Variants in SLIT3 observed in about 807,000 individuals in gnomAD.
SLIT3 encodes the protein slit guidance ligand 3, also known as slit homolog 3 protein.
A neutral mutation model predicts 184.0 loss-of-function variants in SLIT3; 68 were observed. The observed-to-expected ratio is 0.37, with a 90% CI of 0.30 to 0.45. The LOEUF (loss-of-function observed/expected upper bound fraction) is 0.45. SLIT3 is among the 20% of genes least tolerant of loss of function. The probability of loss-of-function intolerance (pLI) is 1.00; values close to 1 mark genes in which losing one functional copy is unlikely to be tolerated. For missense variants in SLIT3, 1,707 were observed against 2,026.0 expected (o/e 0.84, Z 3.02); for synonymous variants, 831 against 828.6 (o/e 1.00, Z -0.05).
chr5:168,926,375 A>C (rs938933449), intron 4 of SLIT3, among the ~76,000 whole-genome samples: 1 of 152,238 alleles, frequency 6.6e-6, no homozygotes, highest in African/African-American at 2.4e-5. Flanking sequence ...GAGAGAACAT[A>C]TATCTTCAAT....
chr5:168,828,775 G>GTC (rs1482025388), intron 6 of SLIT3, among the ~76,000 whole-genome samples: 1 of 152,184 alleles, frequency 6.6e-6, no homozygotes, highest in African/African-American at 2.4e-5. Flanking sequence ...CCTGGGGTGG[G>GTC]TCTCAGCCTT....
At chr5:169,105,453 A>G (rs1760169039) in intron 4 of SLIT3, among the ~76,000 whole-genome samples, 1 of 152,238 alleles carries the variant, frequency 6.6e-6, no homozygotes, top group South Asian at 2.1e-4. Context: ...AAAGAAATGC[A>G]GACACGCCAT....
chr5:168,915,005 A>G lies in SLIT3; in HGVS notation c.414-31669T>C, dbSNP rs183913387. ...TATATTTAGTATATAAAAATCCATG[A>G]GTTCATAATAATACTCTAAATGTGA... is the stretch of plus-strand genomic sequence containing the variant. On this transcript the variant is annotated intron_variant, in intron 4 of 35. Coordinates refer to ENST00000519560, the MANE Select transcript of SLIT3 (RefSeq NM_003062.4). Among the ~76,000 whole-genome samples, 1,404 of 152,302 alleles carry G rather than the reference A, an allele frequency of 9.2e-3. 19 individuals are homozygous for G. The highest frequency in any genetic ancestry group is 0.032 in the African/African-American group (1,338 of 41,560).
Position 168,696,396 on chromosome 5 carries a change from C to T in SLIT3, c.2978G>A (p.Cys993Tyr). ...CTCACAGTCATCTGGGTTGATCTCA[C>T]ACCGCTGCCCCTCAAAGCCCAGAGG... ...SCPLGFEGQR[C>Y]EINPDDCEDN... Residue 993 changes from cysteine (C) to tyrosine (Y), a missense_variant, in exon 28 of 36, where the codon TGT becomes TAT. Around this residue, in one of 3 missense-constraint regions of SLIT3, gnomAD observed 1,307 missense variants for 1,511.6 expected, o/e 0.86. Coordinates refer to ENST00000519560, the MANE Select transcript of SLIT3 (RefSeq NM_003062.4). 1 of 1,614,124 alleles carries T rather than the reference C, an allele frequency of 6.2e-7. No homozygotes were observed. Among genetic ancestry groups the T allele is most frequent in the Non-Finnish European group, 8.5e-7 (1 of 1,180,044 alleles).
chr5:168,952,631 GAAGA>G (rs150085453), intron 4 of SLIT3, among the ~76,000 whole-genome samples: 18,945 of 148,048 alleles, frequency 0.13, 2,280 homozygotes, highest in African/African-American at 0.32. Flanking sequence ...CTACCATGAA[GAAGA>G]AAGAAAGGGC....
At chr5:169,116,802 T>C (rs1760682218) in intron 4 of SLIT3, among the ~76,000 whole-genome samples, 1 of 152,188 alleles carries the variant, frequency 6.6e-6, no homozygotes, top group South Asian at 2.1e-4. Flanking sequence ...TCCTCAAGCA[T>C]GAAGGAGCCC....
intron 4 of SLIT3, among the ~76,000 whole-genome samples, chr5:168,987,544 C>A (rs60573246): frequency 6.6e-6 from 1 of 152,190 alleles, no homozygotes; most frequent in Admixed American, 6.5e-5. Context: ...GGTTGTTAAG[C>A]ACACTATAGG....
intron 16 of SLIT3, 22 bp from the exon 17 acceptor site, chr5:168,754,029 G>T: frequency 6.5e-7 from 1 of 1,546,498 alleles, no homozygotes; most frequent in South Asian, 1.2e-5. Flanking sequence ...AAACAGAATA[G>T]GGGAGAATCA....
At chr5:169,071,856 G>C (rs1285070751) in intron 4 of SLIT3, among the ~76,000 whole-genome samples, 1 of 152,132 alleles carries the variant, frequency 6.6e-6, no homozygotes, top group Non-Finnish European at 1.5e-5. Flanking sequence ...GAGTGGGCAG[G>C]GCAGAGGGAT....
At chr5:168,965,275 A>G (rs1391309673) in intron 4 of SLIT3, among the ~76,000 whole-genome samples, 2 of 152,248 alleles carry the variant, frequency 1.3e-5, no homozygotes, top group Non-Finnish European at 2.9e-5. Flanking sequence ...TTCTCCTAGC[A>G]TTTGAGAGAT....
At chr5:168,731,008 A>G (rs1344519941) in intron 20 of SLIT3, among the ~76,000 whole-genome samples, 2 of 151,900 alleles carry the variant, frequency 1.3e-5, no homozygotes, top group African/African-American at 4.8e-5. Flanking sequence ...TGGTTCTTCA[A>G]AAAGATAAAC....
intron 4 of SLIT3, among the ~76,000 whole-genome samples, chr5:169,171,378 G>C (rs1401681314): frequency 6.6e-6 from 1 of 152,216 alleles, no homozygotes; most frequent in East Asian, 1.9e-4. Flanking sequence ...GAATGGTCTT[G>C]AGCAAAAGTG....
intron 14 of SLIT3, among the ~76,000 whole-genome samples, chr5:168,769,982 C>T (rs888652555): frequency 6.6e-6 from 1 of 152,168 alleles, no homozygotes; most frequent in Non-Finnish European, 1.5e-5. Flanking sequence ...TGCTGTTCGC[C>T]GTCTTTGGAC....
intron 4 of SLIT3, among the ~76,000 whole-genome samples, chr5:169,143,755 G>A (rs560176323): frequency 1.6e-4 from 24 of 152,268 alleles, no homozygotes; most frequent in African/African-American, 2.4e-4. Context: ...AGCCGAGATC[G>A]TGCCATTGCA....
intron 23 of SLIT3, among the ~76,000 whole-genome samples, 181 bp downstream of exon 23, chr5:168,722,075 A>C (rs979035290): frequency 1.3e-5 from 2 of 151,616 alleles, no homozygotes; most frequent in Non-Finnish European, 2.9e-5. Context: ...GGACCCTGGG[A>C]ATGGCAGACT....
intron 4 of SLIT3, among the ~76,000 whole-genome samples, chr5:168,883,621 GCA>G (rs1327304084): frequency 6.6e-6 from 1 of 152,204 alleles, no homozygotes; most frequent in African/African-American, 2.4e-5. Context: ...GTTATTTGTT[GCA>G]CACACTGCAC....
At chr5:168,984,588 T>C (rs965361375) in intron 4 of SLIT3, among the ~76,000 whole-genome samples, 1 of 152,170 alleles carries the variant, frequency 6.6e-6, no homozygotes, top group East Asian at 1.9e-4. Context: ...TGAGGCTGCA[T>C]GGGGCCTAAT....
chr5:168,971,271 C>G (rs1754567426), intron 4 of SLIT3, among the ~76,000 whole-genome samples: 1 of 152,184 alleles, frequency 6.6e-6, no homozygotes, highest in South Asian at 2.1e-4. Flanking sequence ...CCAGTTGTCC[C>G]AACTGTGGAC....
At chr5:168,718,977 C>A (rs1762851262) in intron 23 of SLIT3, among the ~76,000 whole-genome samples, 1 of 152,150 alleles carries the variant, frequency 6.6e-6, no homozygotes, top group African/African-American at 2.4e-5. Context: ...AATGTAATTC[C>A]TGATTTTAAA....
Sources: gnomAD v4.1 joint callset for allele counts (sites outside exome capture counted in the v4.1 genomes callset) on GRCh38, gnomAD v4.1.1 for gene constraint, gnomAD v4.1.1 regional missense constraint, MANE v1.5 for transcripts, NCBI Gene and HGNC (gene_info 2026-07-23, HGNC 2026-07-21) for gene names.